The following ZNF716 variants were observed in gnomAD, a reference collection of about 807,000 sequenced individuals.
ZNF716 encodes the protein zinc finger protein 716.
In ZNF716, 9 loss-of-function variants were observed where a neutral mutation model predicts 13.4. That is an observed-to-expected ratio of 0.67 (90% confidence interval 0.41 to 1.18). The LOEUF (loss-of-function observed/expected upper bound fraction) is 1.18, where lower values mean the gene tolerates loss of function less well. ZNF716 is among the 50% of genes most tolerant of loss of function. ZNF716 has a pLI of 0.01. For synonymous variants in ZNF716, 186 were observed against 195.2 expected, an observed-to-expected ratio of 0.95 and a Z score of 0.39; for missense variants, 581 against 576.6, an observed-to-expected ratio of 1.01 and a Z score of -0.08.
chr7:57,469,642 C>T lies in ZNF716; in HGVS notation c.1181C>T (p.Thr394Ile), dbSNP rs1238933791. The T allele has an allele frequency of 1.9e-6, 3 of 1,612,630 alleles. No homozygotes were observed. Among genetic ancestry groups the T allele is most frequent in the Non-Finnish European group, 2.5e-6 (3 of 1,179,808 alleles). ...ECGKAFSLPS[T>I]FTYHKRTHTG... ...GGCAAAGCCTTTAGCTTACCCTCAA[C>T]CTTCACTTACCACAAGAGAACTCAT... Residue 394 changes from threonine to isoleucine, a missense_variant, in exon 4 of 4, where the codon ACC becomes ATC. Thr to Ile is a moderately conservative substitution (Grantham distance 89, BLOSUM62 -1). Coordinates refer to ENST00000420713, the MANE Select transcript of ZNF716 (RefSeq NM_001159279.1).
chr7:57,463,499 CTA>C (rs1375912186), intron 3 of ZNF716, among the ~76,000 whole-genome samples: 1 of 152,094 alleles, frequency 6.6e-6, no homozygotes, highest in African/African-American at 2.4e-5. Flanking sequence ...TTGAGAAACT[CTA>C]TGTGAAACCA....
chr7:57,469,597 C>A lies in ZNF716; in HGVS notation c.1136C>A (p.Pro379His). 1 of 1,612,820 alleles carries A rather than the reference C, an allele frequency of 6.2e-7. No homozygotes were observed. Among genetic ancestry groups the A allele is most frequent in the Non-Finnish European group, 8.5e-7 (1 of 1,179,682 alleles). ...AAGAGGATTCATACTGGAGAGAAAC[C>A]CTACACTTGTGAAGAATGTGGCAAA... Reference protein sequence around the residue: ...THKRIHTGEKPYTCEECGKAF... With the variant: ...THKRIHTGEKHYTCEECGKAF... Residue 379 changes from proline (P) to histidine (H), a missense_variant, in exon 4 of 4, where the codon CCC (proline) becomes CAC (histidine). Pro to His is a moderately conservative substitution (Grantham distance 77). Coordinates refer to ENST00000420713, the MANE Select transcript of ZNF716 (RefSeq NM_001159279.1).
At chr7:57,462,977 A>G (rs1789735402) in intron 2 of ZNF716, 96 bp from the exon 3 acceptor site, 2 of 1,478,488 alleles carry the variant, frequency 1.4e-6, no homozygotes, top group Non-Finnish European at 1.8e-6. Flanking sequence ...ATTTTCTAGA[A>G]TTTTCTATCA....
intron 1 of ZNF716, among the ~76,000 whole-genome samples, chr7:57,452,468 C>G (rs1483103731): frequency 1.4e-5 from 2 of 146,154 alleles, no homozygotes; most frequent in African/African-American, 5.1e-5. Flanking sequence ...AACCCCATCT[C>G]TACTAAAAAT....
intron 3 of ZNF716, among the ~76,000 whole-genome samples, chr7:57,465,933 AC>A (rs1290219821): frequency 2.0e-5 from 3 of 152,254 alleles, no homozygotes; most frequent in African/African-American, 7.2e-5. Context: ...TATCGCAAGA[AC>A]AAAAAACCAA....
intron 2 of ZNF716, 145 bp from the exon 3 acceptor site, chr7:57,462,928 T>C: frequency 8.0e-7 from 1 of 1,243,462 alleles, no homozygotes; most frequent in Non-Finnish European, 1.1e-6. Flanking sequence ...TTAAAGTATT[T>C]TCTAAATAGC....
chr7:57,466,041 G>T (rs1371714996), intron 3 of ZNF716, among the ~76,000 whole-genome samples: 2 of 151,828 alleles, frequency 1.3e-5, no homozygotes, highest in Non-Finnish European at 1.5e-5. Flanking sequence ...GTTGTGGGGT[G>T]GGGGGAGTGG....
chr7:57,464,296 T>G (rs13246447), intron 3 of ZNF716, among the ~76,000 whole-genome samples: 1,823 of 151,572 alleles, frequency 0.012, 43 homozygotes, highest in African/African-American at 0.042. Flanking sequence ...TAATTTTGTA[T>G]TTTTTGTAGA....
At position 57,471,062 on chromosome 7, in the gene ZNF716, A is replaced by G. The variant is rs1231791374; in HGVS notation, c.*1113A>G. ...GAGAAAAATTGTAAAAATATAAAGA[A>G]TGTGAAAAGCCATTAATGTCTGTTC... is the stretch of plus-strand genomic sequence containing the variant. On this transcript the variant is annotated 3_prime_UTR_variant, in exon 4 of 4. Transcript: ENST00000420713. 2.6e-5 allele frequency: 4 copies of G among 152,198 alleles called. No homozygotes were observed. The highest frequency in any genetic ancestry group is 9.7e-5 in the African/African-American group (4 of 41,444). 9.4% of individuals were successfully genotyped at this position (152,198 alleles called of 1,614,324 possible).
Position 57,450,279 on chromosome 7 carries a change from T to C in ZNF716, c.-10T>C, listed in dbSNP as rs782224549. 2 of 1,614,012 alleles carry C rather than the reference T, an allele frequency of 1.2e-6. No homozygotes were observed. Among genetic ancestry groups the C allele is most frequent in the East Asian group, 4.5e-5 (2 of 44,866 alleles). On this transcript the variant is annotated 5_prime_UTR_variant, in exon 1 of 4. Transcript: ENST00000420713. ...CTGTGGCCTTGTGTCCTGCAAGTAT[T>C]CGCAGATTTATGGCTAAAAGACCGG...
rs1554324879 is a variant in ZNF716 at position 57,469,660 on chromosome 7, G to T, written c.1199G>T (p.Arg400Ile). The change falls in exon 4 of 4, where the codon AGA becomes ATA. Residue 400 changes from arginine (R) to isoleucine (I), a missense_variant. Arg to Ile is a moderately conservative substitution (Grantham distance 97, BLOSUM62 -3). Coordinates refer to ENST00000420713, the MANE Select transcript of ZNF716 (RefSeq NM_001159279.1). ...CCCTCAACCTTCACTTACCACAAGA[G>T]AACTCATACTGGAGAGAAACCCTAC... ...SLPSTFTYHK[R>I]THTGEKPYKC... 6.3e-7 allele frequency: 1 copy of T among 1,586,048 alleles called. No individual in the cohort carries two copies. The highest frequency in any genetic ancestry group is 8.6e-7 in the Non-Finnish European group (1 of 1,163,408).
At position 57,471,230 on chromosome 7, in the gene ZNF716, C is replaced by T. The variant is rs2116429740; in HGVS notation, c.*1281C>T. ...AGGAGTTCAAGACCAGCCTGGCTAA[C>T]ATGGTGAATCCCCATCTCTACTAAA... is the stretch of plus-strand genomic sequence containing the variant. On this transcript the variant is annotated 3_prime_UTR_variant, in exon 4 of 4. Transcript: ENST00000420713. 1 of 152,174 alleles carries T rather than the reference C, an allele frequency of 6.6e-6. No individual in the cohort carries two copies. Among genetic ancestry groups the T allele is most frequent in the African/African-American group, 2.4e-5 (1 of 41,532 alleles). 9.4% of individuals were successfully genotyped at this position (152,174 alleles called of 1,614,324 possible). A position where few individuals can be genotyped will look rare whatever the true frequency, so the allele number is the denominator to read the frequency against.
At chr7:57,467,570 A>G (rs1789839082) in intron 3 of ZNF716, among the ~76,000 whole-genome samples, 1 of 152,106 alleles carries the variant, frequency 6.6e-6, no homozygotes, top group Non-Finnish European at 1.5e-5. Flanking sequence ...TTCTGTTGAC[A>G]AATTCACTAG....
intron 1 of ZNF716, among the ~76,000 whole-genome samples, chr7:57,461,049 C>T (rs1471122246): frequency 2.6e-5 from 4 of 151,516 alleles, no homozygotes; most frequent in Non-Finnish European, 5.9e-5. Flanking sequence ...GCAGCTGTAT[C>T]ACATGAGGTC....
intron 1 of ZNF716, among the ~76,000 whole-genome samples, chr7:57,461,067 C>A (rs1365644638): frequency 1.3e-5 from 2 of 150,838 alleles, no homozygotes; most frequent in Admixed American, 1.3e-4. Flanking sequence ...GTCAGGAGTT[C>A]GAGACCAACC....
At position 57,468,766 on chromosome 7, in the gene ZNF716, G is replaced by A. The variant is rs1789857383; in HGVS notation, c.305G>A (p.Gly102Asp). The A allele has an allele frequency of 6.2e-7, 1 of 1,613,002 alleles. No individual in the cohort carries two copies. The highest frequency in any genetic ancestry group is 1.3e-5 in the African/African-American group (1 of 74,834). ...HFTQDLQSEQ[G>D]IKDSLQKVIL... Reference sequence around the variant, plus strand: ...ACCCAAGACCTTCAGTCAGAGCAGGGCATAAAAGATTCACTCCAAAAAGTG... The same window carrying A: ...ACCCAAGACCTTCAGTCAGAGCAGGACATAAAAGATTCACTCCAAAAAGTG... The change falls in exon 4 of 4, where the codon GGC becomes GAC. Residue 102 changes from glycine (G) to aspartate (D), a missense_variant. By Grantham distance (94) the Gly-to-Asp change is moderately conservative (BLOSUM62 -1). Coordinates refer to ENST00000420713, the MANE Select transcript of ZNF716 (RefSeq NM_001159279.1).
chr7:57,453,620 C>G (rs1299738653), intron 1 of ZNF716, among the ~76,000 whole-genome samples: 1 of 152,106 alleles, frequency 6.6e-6, no homozygotes, highest in Non-Finnish European at 1.5e-5. Context: ...TATTTTTTGG[C>G]TGTGTGATTT....
At position 57,469,661 on chromosome 7, in the gene ZNF716, A is replaced by G. The variant is rs1562680140; in HGVS notation, c.1200A>G (p.Arg400=). 6.3e-7 allele frequency: 1 copy of G among 1,586,886 alleles called. No individual in the cohort carries two copies. Among genetic ancestry groups the G allele is most frequent in the Non-Finnish European group, 8.6e-7 (1 of 1,163,652 alleles). The part of the protein sequence containing the change: ...SLPSTFTYHK[R]THTGEKPYKC... ...CCTCAACCTTCACTTACCACAAGAG[A>G]ACTCATACTGGAGAGAAACCCTACA... The change falls in exon 4 of 4, where the codon AGA becomes AGG. Residue 400 remains arginine (R), a synonymous_variant. Transcript: ENST00000420713.
intron 1 of ZNF716, among the ~76,000 whole-genome samples, chr7:57,453,383 C>T (rs1166406372): frequency 6.6e-6 from 1 of 152,156 alleles, no homozygotes; most frequent in Non-Finnish European, 1.5e-5. Flanking sequence ...AGCACTGCCA[C>T]TCTCTGGGTT....
Sources: gnomAD v4.1 joint callset for allele counts (sites outside exome capture counted in the v4.1 genomes callset) on GRCh38, gnomAD v4.1.1 for gene constraint, MANE v1.5 for transcripts, NCBI Gene and HGNC (gene_info 2026-07-23, HGNC 2026-07-21) for gene names.